The following OBI1 variants were observed in gnomAD, a reference collection of about 807,000 sequenced individuals.
OBI1 encodes ring finger protein 219.
A neutral mutation model predicts 62.4 loss-of-function variants in OBI1; 59 were observed. The observed-to-expected ratio is 0.95, with a 90% CI of 0.77 to 1.17. The LOEUF (loss-of-function observed/expected upper bound fraction) is 1.17. OBI1 is among the 50% of genes most tolerant of loss of function. The pLI is 0.00. For missense variants in OBI1, 875 were observed against 830.9 expected (o/e 1.05, Z -0.65); for synonymous variants, 302 against 292.8 (o/e 1.03, Z -0.32).
At chr13:78,655,864 G>A (rs1876686543) in intron 1 of OBI1, among the ~76,000 whole-genome samples, 1 of 152,186 alleles carries the variant, frequency 6.6e-6, no homozygotes, top group Admixed American at 6.5e-5. Flanking sequence ...GCGAACCTGA[G>A]GACACGCCAG....
At position 78,616,423 on chromosome 13, in the gene OBI1, A is replaced by G; in HGVS notation, c.1338T>C (p.Asp446=). 1 of 1,613,206 alleles carries G rather than the reference A, an allele frequency of 6.2e-7. No individual in the cohort carries two copies. Among genetic ancestry groups the G allele is most frequent in the Non-Finnish European group, 8.5e-7 (1 of 1,179,742 alleles). ...NVSNKDSSED[D]ISRSENEKKS... is the part of the protein sequence containing the mutation. ...TCTTTTCATTTTCACTTCTACTTAT[A>G]TCATCTTCTGAAGAATCTTTATTAG... The change falls in exon 6 of 6, where the codon GAT becomes GAC. Residue 446 remains aspartate, a synonymous_variant. Coordinates refer to ENST00000282003, the MANE Select transcript of OBI1 (RefSeq NM_024546.4).
At chr13:78,659,000 G>T in intron 1 of OBI1, 49 bp downstream of exon 1, 2 of 1,553,436 alleles carry the variant, frequency 1.3e-6, no homozygotes, top group Non-Finnish European at 1.8e-6. Flanking sequence ...GCCCCGGCGA[G>T]CGACTTATCC....
chr13:78,637,185 T>A (rs1272908849), intron 4 of OBI1, among the ~76,000 whole-genome samples: 2 of 152,254 alleles, frequency 1.3e-5, no homozygotes, highest in African/African-American at 4.8e-5. Flanking sequence ...TCATGCTAAG[T>A]AATCCTTTAT....
chr13:78,656,964 T>C (rs1876731124), intron 1 of OBI1, among the ~76,000 whole-genome samples: 1 of 151,864 alleles, frequency 6.6e-6, no homozygotes, highest in Non-Finnish European at 1.5e-5. Context: ...TTTGTATTTT[T>C]AGTAGCGATG....
At chr13:78,627,058 A>G (rs1343407298) in intron 5 of OBI1, among the ~76,000 whole-genome samples, 3 of 152,164 alleles carry the variant, frequency 2.0e-5, no homozygotes, top group Admixed American at 6.5e-5. Context: ...AGCACAGGAA[A>G]GAAAGGTAAG....
intron 1 of OBI1, among the ~76,000 whole-genome samples, chr13:78,647,138 G>T (rs188464677): frequency 6.6e-6 from 1 of 152,226 alleles, no homozygotes; most frequent in African/African-American, 2.4e-5. Flanking sequence ...TATTGTCCAA[G>T]GTTTCTCCCT....
In OBI1 at chr13:78,615,692, C is replaced by T; in HGVS notation, c.2069G>A (p.Trp690Ter). ...CTTTTCAGGCACAAAGGAAGTAGAC[C>T]AAGGAGACTGAAGGTGGTTATGAAG... ...HSLHNHLQSP[W>*]STSFVPEKRN... Residue 690 changes from tryptophan (W) to a stop codon, truncating the protein, a stop_gained, in exon 6 of 6, where the codon TGG becomes TAG. Coordinates refer to ENST00000282003, the MANE Select transcript of OBI1 (RefSeq NM_024546.4). LOFTEE classifies it high-confidence loss of function. 2 of 1,613,820 alleles carry T rather than the reference C, an allele frequency of 1.2e-6. No individual in the cohort carries two copies. The highest frequency in any genetic ancestry group is 8.5e-7 in the Non-Finnish European group (1 of 1,179,886).
intron 3 of OBI1, among the ~76,000 whole-genome samples, chr13:78,640,518 G>C (rs1026668737): frequency 2.6e-5 from 4 of 152,112 alleles, no homozygotes; most frequent in Admixed American, 6.6e-5. Flanking sequence ...TGACTGTACA[G>C]AGTTATCAAG....
intron 1 of OBI1, among the ~76,000 whole-genome samples, chr13:78,650,671 T>C (rs1876518891): frequency 6.6e-6 from 1 of 151,584 alleles, no homozygotes; most frequent in Non-Finnish European, 1.5e-5. Flanking sequence ...TGGCTTAACC[T>C]AGTAACCTTT....
chr13:78,615,964 A>T lies in OBI1; in HGVS notation c.1797T>A (p.Asp599Glu). ...TCCATTCACTTCCATTTTCTAACTG[A>T]TCATTAGTTAGAGAACCTTTGGAAA... The part of the protein sequence containing the change: ...LNLSKGSLTN[D>E]QLENGSEWKP... The change falls in exon 6 of 6, where the codon GAT becomes GAA. Residue 599 changes from aspartate (D) to glutamate (E), a missense_variant. Coordinates refer to ENST00000282003, the MANE Select transcript of OBI1 (RefSeq NM_024546.4). 1 of 1,613,882 alleles carries T rather than the reference A, an allele frequency of 6.2e-7. No homozygotes were observed. Among genetic ancestry groups the T allele is most frequent in the South Asian group, 1.1e-5 (1 of 91,020 alleles).
In OBI1 at chr13:78,616,135, A is replaced by G. The variant is rs1170657561; in HGVS notation, c.1626T>C (p.Asp542=). 6.2e-7 allele frequency: 1 copy of G among 1,614,104 alleles called. No homozygotes were observed. The highest frequency in any genetic ancestry group is 1.1e-5 in the South Asian group (1 of 91,074). Residue 542 remains aspartate (D), a synonymous_variant, in exon 6 of 6, where the codon GAT becomes GAC. Coordinates refer to ENST00000282003, the MANE Select transcript of OBI1 (RefSeq NM_024546.4). ...TGTTGTCTGACTCTGACATCATTGA[A>G]TCCAACTCAGAGATTTTGTCAAGGT... The part of the protein sequence containing the change: ...AAYLDKISEL[D]SMMSESDNSK...
chr13:78,626,793 C>T (rs188469906), intron 5 of OBI1, among the ~76,000 whole-genome samples: 54 of 152,288 alleles, frequency 3.5e-4, no homozygotes, highest in Middle Eastern at 3.4e-3. Context: ...TGGGGCCAGG[C>T]GTGGTGGCTC....
intron 5 of OBI1, among the ~76,000 whole-genome samples, chr13:78,626,469 C>T (rs1387029688): frequency 3.3e-5 from 5 of 152,150 alleles, no homozygotes; most frequent in African/African-American, 1.2e-4. Flanking sequence ...ATCATTAAAA[C>T]AACAGGGTAG....
chr13:78,627,800 A>C (rs917742144), intron 5 of OBI1, among the ~76,000 whole-genome samples: 2 of 152,232 alleles, frequency 1.3e-5, no homozygotes, highest in African/African-American at 4.8e-5. Context: ...TATACGACAC[A>C]TCATGTCAAG....
intron 5 of OBI1, among the ~76,000 whole-genome samples, chr13:78,625,885 A>G (rs1257947285): frequency 6.6e-6 from 1 of 152,232 alleles, no homozygotes; most frequent in East Asian, 1.9e-4. Context: ...GTGATAAACA[A>G]AAAAGGCCAG....
At chr13:78,648,952 G>C (rs572217823) in intron 1 of OBI1, among the ~76,000 whole-genome samples, 1 of 150,912 alleles carries the variant, frequency 6.6e-6, no homozygotes, top group Admixed American at 6.6e-5. Context: ...TCATGTATTT[G>C]CTCCCACAAC....
At chr13:78,630,939 T>C (rs1004768618) in intron 5 of OBI1, among the ~76,000 whole-genome samples, 1 of 152,188 alleles carries the variant, frequency 6.6e-6, no homozygotes, top group Non-Finnish European at 1.5e-5. Context: ...TGCTTCATAT[T>C]CAAATTTACC....
Position 78,616,372 on chromosome 13 carries a change from C to T in OBI1, c.1389G>A (p.Lys463=). The T allele has an allele frequency of 6.2e-7, 1 of 1,613,656 alleles. No homozygotes were observed. Among genetic ancestry groups the T allele is most frequent in the Non-Finnish European group, 8.5e-7 (1 of 1,179,712 alleles). Residue 463 remains lysine (K), a synonymous_variant, in exon 6 of 6, where the codon AAG becomes AAA. Transcript: ENST00000282003. ...EKKSECFSSP[K]TGFWDCCSTS... is the part of the protein sequence containing the mutation. ...TGGAACAACAGTCCCAAAATCCTGT[C>T]TTTGGGGAAGAAAAACATTCTGATT...
At position 78,614,691 on chromosome 13, in the gene OBI1, G is replaced by C. The variant is rs1875185713; in HGVS notation, c.*889C>G. 6.6e-6 allele frequency: 1 copy of C among 152,242 alleles called. No individual in the cohort carries two copies. The highest frequency in any genetic ancestry group is 1.5e-5 in the Non-Finnish European group (1 of 68,042). 9.4% of individuals were successfully genotyped at this position (152,242 alleles called of 1,614,324 possible). The stretch of plus-strand genomic sequence containing the variant: ...AAAAGAAAACTCCCCTGGAATGCAA[G>C]TGGATCAAGAACTTGGCGATGAGCT... On this transcript the variant is annotated 3_prime_UTR_variant, in exon 6 of 6. Coordinates refer to ENST00000282003, the MANE Select transcript of OBI1 (RefSeq NM_024546.4).
Sources: allele counts gnomAD v4.1 joint callset (sites outside exome capture counted in the v4.1 genomes callset), GRCh38; gene constraint gnomAD v4.1.1; transcripts MANE v1.5; gene names NCBI Gene and HGNC (gene_info 2026-07-23, HGNC 2026-07-21).